The following EIF3H variants were observed in gnomAD, a reference collection of about 807,000 sequenced individuals.
EIF3H encodes eIF-3-gamma.
EIF3H carries 26 observed loss-of-function variants against 44.2 expected under a neutral mutation model. The observed-to-expected ratio is 0.59, with a 90% CI of 0.43 to 0.82. The LOEUF is 0.82. EIF3H is among the 40% of genes least tolerant of loss of function. EIF3H has a pLI of 0.00. For missense variants in EIF3H, 359 were observed against 432.8 expected (o/e 0.83, Z 1.51); for synonymous variants, 166 against 151.9 (o/e 1.09, Z -0.68).
At chr8:116,743,769 CATATATATATAT>C (rs150883678) in intron 1 of EIF3H, among the ~76,000 whole-genome samples, 1 of 96,998 alleles carries the variant, frequency 1.0e-5, no homozygotes, top group Non-Finnish European at 2.1e-5. Flanking sequence ...AAAATACATA[CATATATATATAT>C]ATATATATAT....
At chr8:116,667,995 C>T (rs1003999499) in intron 2 of EIF3H, among the ~76,000 whole-genome samples, 1 of 152,208 alleles carries the variant, frequency 6.6e-6, no homozygotes, top group Non-Finnish European at 1.5e-5. Context: ...AGGTACCACA[C>T]ACCATAAAGG....
chr8:116,727,875 T>C (rs1034826233), intron 1 of EIF3H, among the ~76,000 whole-genome samples: 3 of 152,172 alleles, frequency 2.0e-5, no homozygotes, highest in Non-Finnish European at 2.9e-5. Flanking sequence ...TAATGTGCTG[T>C]GGAAGATTGA....
At chr8:116,736,653 C>T (rs148630560) in intron 1 of EIF3H, among the ~76,000 whole-genome samples, 1,766 of 151,980 alleles carry the variant, frequency 0.012, 35 homozygotes, top group African/African-American at 0.04. Flanking sequence ...CAGAGCAAGA[C>T]TCCGTCTCAC....
chr8:116,729,842 G>T (rs1814921203), intron 1 of EIF3H, among the ~76,000 whole-genome samples: 1 of 152,170 alleles, frequency 6.6e-6, no homozygotes, highest in African/African-American at 2.4e-5. Context: ...GTCTTACTTT[G>T]AAGGCAAAAC....
chr8:116,707,099 G>A (rs746198305), intron 2 of EIF3H, among the ~76,000 whole-genome samples: 1 of 152,124 alleles, frequency 6.6e-6, no homozygotes. Flanking sequence ...AATTATCCAC[G>A]GAATCCCATC....
chr8:116,729,937 A>T, intron 1 of EIF3H, among the ~76,000 whole-genome samples: 1 of 152,238 alleles, frequency 6.6e-6, no homozygotes, highest in Non-Finnish European at 1.5e-5. Flanking sequence ...TGTCCAAAAA[A>T]GAAAGCATTC....
intron 2 of EIF3H, among the ~76,000 whole-genome samples, chr8:116,674,568 C>A (rs546859231): frequency 2.6e-4 from 39 of 152,266 alleles, no homozygotes; most frequent in African/African-American, 8.7e-4. Flanking sequence ...ACACCTAGTA[C>A]CTCTCCATAC....
intron 2 of EIF3H, among the ~76,000 whole-genome samples, chr8:116,690,773 TCA>T (rs1339030828): frequency 1.3e-5 from 2 of 152,180 alleles, no homozygotes; most frequent in Non-Finnish European, 2.9e-5. Flanking sequence ...CTTACTATAA[TCA>T]CACACAGCAA....
At chr8:116,665,702 C>T (rs1336052908) in intron 2 of EIF3H, among the ~76,000 whole-genome samples, 1 of 152,168 alleles carries the variant, frequency 6.6e-6, no homozygotes, top group Non-Finnish European at 1.5e-5. Context: ...TTCCCAGCTG[C>T]AACATGGGAC....
intron 5 of EIF3H, among the ~76,000 whole-genome samples, chr8:116,651,381 A>G (rs982589426): frequency 1.3e-5 from 2 of 152,214 alleles, no homozygotes; most frequent in East Asian, 1.9e-4. Context: ...CAGAGAAGGG[A>G]AAGACTGAGA....
At chr8:116,744,343 T>TA (rs1815195689) in intron 1 of EIF3H, among the ~76,000 whole-genome samples, 2 of 152,200 alleles carry the variant, frequency 1.3e-5, no homozygotes, top group African/African-American at 4.8e-5. Context: ...AGCTGATGTT[T>TA]AAAGGGTCAA....
In EIF3H at chr8:116,755,802, C is replaced by G; in HGVS notation, c.-5G>C. ...ACCTTCCTTGCGGGACGCCATCTTTCCAAGCAGACAGGAAGAAAGAGAAAC... is the reference window on the plus strand; with the variant it reads ...ACCTTCCTTGCGGGACGCCATCTTTGCAAGCAGACAGGAAGAAAGAGAAAC... On this transcript the variant is annotated 5_prime_UTR_variant, in exon 1 of 8. Transcript: ENST00000521861. The G allele has an allele frequency of 6.2e-7, 1 of 1,613,078 alleles. No homozygotes were observed. Among genetic ancestry groups the G allele is most frequent in the Non-Finnish European group, 8.5e-7 (1 of 1,180,006 alleles).
chr8:116,716,040 AAG>A (rs5894349), intron 2 of EIF3H, among the ~76,000 whole-genome samples: 68,850 of 151,778 alleles, frequency 0.45, 18,905 homozygotes, highest in Non-Finnish European at 0.62. Context: ...ATTGTGAATT[AAG>A]AGAGAGACAA....
At chr8:116,684,183 T>C (rs1354440951) in intron 2 of EIF3H, among the ~76,000 whole-genome samples, 1 of 152,270 alleles carries the variant, frequency 6.6e-6, no homozygotes, top group Non-Finnish European at 1.5e-5. Flanking sequence ...CTTTGTTCTA[T>C]GTTTTAATCT....
chr8:116,657,958 T>A (rs1813520617), intron 3 of EIF3H, among the ~76,000 whole-genome samples: 1 of 152,246 alleles, frequency 6.6e-6, no homozygotes, highest in Non-Finnish European at 1.5e-5. Flanking sequence ...CTAAAACCTG[T>A]GTTAACATTC....
At chr8:116,687,660 A>G (rs572015051) in intron 2 of EIF3H, among the ~76,000 whole-genome samples, 5 of 152,310 alleles carry the variant, frequency 3.3e-5, no homozygotes, top group African/African-American at 7.2e-5. Context: ...CATCATTTCC[A>G]ATGCTGCTTT....
chr8:116,658,695 C>T lies in EIF3H; in HGVS notation c.457+118G>A, dbSNP rs1432457987. 9 of 934,502 alleles carry T rather than the reference C, an allele frequency of 9.6e-6. No individual in the cohort carries two copies. In the East Asian group the frequency reaches 2.5e-4, roughly 26 times the overall value. 57.9% of individuals were successfully genotyped at this position (934,502 alleles called of 1,614,324 possible). ...GCTGCTGCTGAGGCTGCTGCAGAAA[C>T]AGGGTTGGTATTTACTTGAGAAGGC... On this transcript the variant is annotated intron_variant, in intron 3 of 7. Coordinates refer to ENST00000521861, the MANE Select transcript of EIF3H (RefSeq NM_003756.3).
chr8:116,685,641 T>C (rs1814063467), intron 2 of EIF3H, among the ~76,000 whole-genome samples: 1 of 152,130 alleles, frequency 6.6e-6, no homozygotes, highest in Non-Finnish European at 1.5e-5. Context: ...GCAGAAGAAA[T>C]AGGAAAGAAA....
At chr8:116,764,511 G>T (rs2131015995) in intron 1 of EIF3H, among the ~76,000 whole-genome samples, 1 of 152,268 alleles carries the variant, frequency 6.6e-6, no homozygotes, top group African/African-American at 2.4e-5. Context: ...ATGATTTGGG[G>T]AGATTGTAAT....
Sources: gnomAD v4.1 joint callset for allele counts (sites outside exome capture counted in the v4.1 genomes callset) on GRCh38, gnomAD v4.1.1 for gene constraint, MANE v1.5 for transcripts, NCBI Gene and HGNC (gene_info 2026-07-23, HGNC 2026-07-21) for gene names.